The following PSMD11 variants were observed in gnomAD, a reference collection of about 807,000 sequenced individuals.
PSMD11 encodes 26S proteasome non-ATPase regulatory subunit 11.
Under a neutral mutation model 62.3 loss-of-function variants are expected in PSMD11, and 5 were observed. That is an observed-to-expected ratio of 0.08 (90% confidence interval 0.04 to 0.17). The LOEUF (loss-of-function observed/expected upper bound fraction) is 0.17, where lower values mean the gene tolerates loss of function less well. PSMD11 is among the 10% of genes least tolerant of loss of function. The pLI is 1.00. For synonymous variants in PSMD11, 191 were observed against 191.8 expected, an observed-to-expected ratio of 1.00 and a Z score of 0.03; for missense variants, 310 against 512.9, an observed-to-expected ratio of 0.60 and a Z score of 3.82.
At chr17:32,464,486 C>CA (rs763975292) in intron 4 of PSMD11, 35 bp from the exon 5 acceptor site, 1 of 1,513,382 alleles carries the variant, frequency 6.6e-7, no homozygotes, top group Non-Finnish European at 9.0e-7. Flanking sequence ...TGGCTTTTTC[C>CA]CCCCCCTTCA....
At chr17:32,472,541 CTTTTT>C (rs1304090257) in intron 6 of PSMD11, among the ~76,000 whole-genome samples, 1 of 138,962 alleles carries the variant, frequency 7.2e-6, no homozygotes, top group Admixed American at 7.3e-5. Flanking sequence ...TGCCTGACCT[CTTTTT>C]TTTTTTTTTA....
At chr17:32,468,351 G>A (rs1250317708) in intron 5 of PSMD11, among the ~76,000 whole-genome samples, 1 of 151,966 alleles carries the variant, frequency 6.6e-6, no homozygotes, top group African/African-American at 2.4e-5. Context: ...TCTGTTACCT[G>A]TTTTTTGTTG....
rs765810001 is a variant in PSMD11, at chr17:32,454,561, G to A, written c.260G>A (p.Arg87His). 2.0e-5 allele frequency: 32 copies of A among 1,613,894 alleles called. No homozygotes were observed. Among genetic ancestry groups the A allele is most frequent in the Admixed American group, 8.3e-5 (5 of 59,994 alleles). The change falls in exon 3 of 14, where the codon CGC becomes CAC. Residue 87 changes from arginine (R) to histidine (H), a missense_variant. Coordinates refer to ENST00000261712, the MANE Select transcript of PSMD11 (RefSeq NM_002815.4). ...TCCATCAGCAAGGCTAAAGCAGCTCGCCTGGTCCGATCTCTTCTTGATCTG... is the reference window on the plus strand; with the variant it reads ...TCCATCAGCAAGGCTAAAGCAGCTCACCTGGTCCGATCTCTTCTTGATCTG... ...LNSISKAKAA[R>H]LVRSLLDLFL...
chr17:32,444,900 C>A (rs539512290), intron 1 of PSMD11: 1 of 504,172 alleles, frequency 2.0e-6, no homozygotes, highest in African/African-American at 2.1e-5. Context: ...GGGGATCCCT[C>A]CCTAGCCATG....
At chr17:32,480,015 G>A in intron 11 of PSMD11, 129 bp downstream of exon 11, 1 of 1,474,640 alleles carries the variant, frequency 6.8e-7, no homozygotes, top group Non-Finnish European at 9.5e-7. Flanking sequence ...GTGTGGACTA[G>A]AGTAGGAGTT....
chr17:32,477,354 A>G (rs1324726526), intron 8 of PSMD11, 167 bp from the exon 9 acceptor site: 2 of 496,558 alleles, frequency 4.0e-6, no homozygotes, highest in Non-Finnish European at 7.1e-6. Context: ...ATATAGTGGT[A>G]TTCAGTACTT....
chr17:32,479,555 G>T (rs952091112), intron 10 of PSMD11, 179 bp downstream of exon 10: 14 of 919,950 alleles, frequency 1.5e-5, no homozygotes, highest in Non-Finnish European at 2.1e-5. Context: ...GATGCTGTGG[G>T]TAGAGGCATG....
At chr17:32,447,119 G>A in intron 2 of PSMD11, 73 bp downstream of exon 2, 5 of 1,185,526 alleles carry the variant, frequency 4.2e-6, no homozygotes, top group Non-Finnish European at 6.0e-6. Flanking sequence ...GAAGAATCAT[G>A]GGACTGATCC....
chr17:32,455,920 G>A (rs1567852828), intron 3 of PSMD11, among the ~76,000 whole-genome samples: 1 of 152,054 alleles, frequency 6.6e-6, no homozygotes, highest in Non-Finnish European at 1.5e-5. Flanking sequence ...AAGGCAGGTG[G>A]ATCACGAGGT....
At chr17:32,457,536 A>G (rs916164687) in intron 3 of PSMD11, among the ~76,000 whole-genome samples, 1 of 152,168 alleles carries the variant, frequency 6.6e-6, no homozygotes, top group Non-Finnish European at 1.5e-5. Flanking sequence ...ACGCCCGGCT[A>G]AGGCTGATTT....
intron 3 of PSMD11, among the ~76,000 whole-genome samples, chr17:32,459,870 G>A (rs777314589): frequency 1.3e-5 from 2 of 151,412 alleles, no homozygotes; most frequent in East Asian, 2.0e-4. Context: ...CAGGTGATCC[G>A]CCTGTCTTGG....
chr17:32,477,671 G>A, intron 9 of PSMD11, 88 bp downstream of exon 9: 4 of 1,260,686 alleles, frequency 3.2e-6, no homozygotes, highest in Non-Finnish European at 4.5e-6. Flanking sequence ...AATAATTATA[G>A]TTTCAAAAGA....
chr17:32,452,908 C>T (rs769702648), intron 2 of PSMD11, among the ~76,000 whole-genome samples: 3 of 151,858 alleles, frequency 2.0e-5, no homozygotes, highest in Non-Finnish European at 4.4e-5. Context: ...ACAAGGACTT[C>T]GGAGGAACAG....
At chr17:32,464,703 A>T in intron 5 of PSMD11, 125 bp downstream of exon 5, 1 of 667,556 alleles carries the variant, frequency 1.5e-6, no homozygotes, top group Non-Finnish European at 2.3e-6. Context: ...GATTTAAAGT[A>T]GCTTACAGTT....
rs1268966602 is a variant in PSMD11, at chr17:32,465,067, C to T, written c.448+489C>T. Reference sequence around the variant, plus strand: ...CTTTTTCCTGTGTGGCCTTTAAACACCTTGAAATCTTCTCTGCTTTTTTTT... The same window carrying T: ...CTTTTTCCTGTGTGGCCTTTAAACATCTTGAAATCTTCTCTGCTTTTTTTT... On this transcript the variant is annotated intron_variant, in intron 5 of 13. Coordinates refer to ENST00000261712, the MANE Select transcript of PSMD11 (RefSeq NM_002815.4). 3.3e-5 allele frequency among the ~76,000 whole-genome samples: 5 copies of T among 151,432 alleles called. No homozygotes were observed. In the East Asian group the frequency reaches 9.7e-4, roughly 29 times the overall value.
intron 2 of PSMD11, among the ~76,000 whole-genome samples, chr17:32,453,973 T>C (rs1458084140): frequency 6.6e-6 from 1 of 152,088 alleles, no homozygotes; most frequent in East Asian, 1.9e-4. Flanking sequence ...GAAGTGACAA[T>C]GCAGAAAGGC....
At chr17:32,476,501 A>C (rs551478397) in intron 8 of PSMD11, among the ~76,000 whole-genome samples, 1 of 152,310 alleles carries the variant, frequency 6.6e-6, no homozygotes, top group South Asian at 2.1e-4. Context: ...TGCACCATGT[A>C]GTCTACTGTA....
intron 5 of PSMD11, among the ~76,000 whole-genome samples, chr17:32,466,847 A>G (rs138359920): frequency 2.0e-5 from 3 of 152,268 alleles, no homozygotes; most frequent in African/African-American, 4.8e-5. Flanking sequence ...ATAGCATTTC[A>G]TTATGTTTTT....
chr17:32,458,625 A>G (rs758487723), intron 3 of PSMD11, among the ~76,000 whole-genome samples: 2 of 152,224 alleles, frequency 1.3e-5, no homozygotes, highest in Admixed American at 6.5e-5. Context: ...GTGAAGCACT[A>G]TGTGCCTTGC....
Sources: allele counts gnomAD v4.1 joint callset (sites outside exome capture counted in the v4.1 genomes callset), GRCh38; gene constraint gnomAD v4.1.1; transcripts MANE v1.5; gene names NCBI Gene and HGNC (gene_info 2026-07-23, HGNC 2026-07-21).